The following NUAK1 variants were observed in gnomAD, a reference collection of about 807,000 sequenced individuals.
NUAK1 encodes NUAK family SNF1-like kinase 1.
In NUAK1, 26 loss-of-function variants were observed where a neutral mutation model predicts 56.9. That is an observed-to-expected ratio of 0.46 (90% CI 0.33 to 0.63). The LOEUF (loss-of-function observed/expected upper bound fraction) is 0.63, where lower values mean the gene tolerates loss of function less well. Among genes scored for constraint, NUAK1 ranks in the 30% least tolerant of loss-of-function variants. The pLI is 0.02. For missense variants in NUAK1, 727 were observed against 876.1 expected (o/e 0.83, Z 2.15); for synonymous variants, 337 against 336.0 (o/e 1.00, Z -0.03).
chr12:106,108,210 C>T (rs1331781442), intron 1 of NUAK1, among the ~76,000 whole-genome samples: 1 of 152,196 alleles, frequency 6.6e-6, no homozygotes, highest in Non-Finnish European at 1.5e-5. Flanking sequence ...TTAAATAATA[C>T]TGCCACGACA....
At chr12:106,068,198 G>A (rs899543163) in intron 6 of NUAK1, among the ~76,000 whole-genome samples, 6 of 152,212 alleles carry the variant, frequency 3.9e-5, no homozygotes, top group African/African-American at 1.2e-4. Context: ...TTCCCTGTAA[G>A]TGAGAAAATG....
chr12:106,090,804 A>G (rs2032627500), intron 2 of NUAK1, among the ~76,000 whole-genome samples: 2 of 152,194 alleles, frequency 1.3e-5, no homozygotes, highest in Admixed American at 1.3e-4. Context: ...GCTCTAGCAA[A>G]ACAAAACCCT....
At chr12:106,081,701 G>T (rs1398470280) in intron 4 of NUAK1, among the ~76,000 whole-genome samples, 1 of 152,184 alleles carries the variant, frequency 6.6e-6, no homozygotes, top group Non-Finnish European at 1.5e-5. Flanking sequence ...TCCTCCATTA[G>T]GGAATTACAT....
chr12:106,065,714 G>A lies in NUAK1; in HGVS notation c.*1088C>T, dbSNP rs937831042. On this transcript the variant is annotated 3_prime_UTR_variant, in exon 7 of 7. Transcript: ENST00000261402. ...TGGTTCAGCCAGGTAATCCTCTGGA[G>A]AATATGGACAGTATCACGTCCAACT... 2.6e-5 allele frequency: 4 copies of A among 152,642 alleles called. No homozygotes were observed. Among genetic ancestry groups the A allele is most frequent in the African/African-American group, 9.7e-5 (4 of 41,444 alleles). The allele number at this position is 152,642 out of a possible 1,614,324, so 9.5% of individuals were successfully genotyped here.
At chr12:106,078,786 C>T (rs938094528) in intron 4 of NUAK1, among the ~76,000 whole-genome samples, 3 of 152,302 alleles carry the variant, frequency 2.0e-5, no homozygotes, top group Middle Eastern at 3.4e-3. Flanking sequence ...CAGCAGCTCC[C>T]ATGGATGTTA....
At chr12:106,104,484 A>G (rs1225775290) in intron 2 of NUAK1, among the ~76,000 whole-genome samples, 1 of 152,194 alleles carries the variant, frequency 6.6e-6, no homozygotes, top group Non-Finnish European at 1.5e-5. Context: ...TAGACACTCC[A>G]CTCAGTAGAC....
At chr12:106,087,759 A>C (rs1565921280) in intron 2 of NUAK1, among the ~76,000 whole-genome samples, 1 of 152,272 alleles carries the variant, frequency 6.6e-6, no homozygotes, top group Non-Finnish European at 1.5e-5. Flanking sequence ...ACTGAGGCCT[A>C]GGGAGGTTAA....
At position 106,081,290 on chromosome 12, in the gene NUAK1, G is replaced by A. The variant is rs2032515628; in HGVS notation, c.579+2574C>T. On this transcript the variant is annotated intron_variant, in intron 4 of 6. Transcript: ENST00000261402. ...GGTCTAATCATTAAAACAAGGGGTT[G>A]GAAAAATGACTCCCAAAGTTCTTTA... is the stretch of plus-strand genomic sequence containing the variant. Among the ~76,000 whole-genome samples, 3 of 152,196 alleles carry A rather than the reference G, an allele frequency of 2.0e-5. No homozygotes were observed. In the South Asian group the frequency reaches 6.2e-4, roughly 32 times the overall value.
At chr12:106,092,670 C>A (rs754219222) in intron 2 of NUAK1, among the ~76,000 whole-genome samples, 1 of 152,148 alleles carries the variant, frequency 6.6e-6, no homozygotes, top group Non-Finnish European at 1.5e-5. Context: ...TGTTGATAGA[C>A]ATTTGGGCTG....
At chr12:106,127,928 A>T (rs2033039185) in intron 1 of NUAK1, among the ~76,000 whole-genome samples, 1 of 152,060 alleles carries the variant, frequency 6.6e-6, no homozygotes, top group Admixed American at 6.5e-5. Flanking sequence ...CTTTCCAAAG[A>T]GGCCTCCTTC....
intron 1 of NUAK1, among the ~76,000 whole-genome samples, chr12:106,129,998 G>A (rs971597693): frequency 7.3e-5 from 11 of 151,058 alleles, no homozygotes; most frequent in African/African-American, 2.7e-4. Flanking sequence ...CTCTCTCTCT[G>A]TGAGACGGAG....
At chr12:106,082,475 T>G (rs1441864417) in intron 4 of NUAK1, among the ~76,000 whole-genome samples, 1 of 152,176 alleles carries the variant, frequency 6.6e-6, no homozygotes, top group East Asian at 1.9e-4. Flanking sequence ...GGAAACAGGG[T>G]TAAGTGGTTT....
Position 106,138,713 on chromosome 12 carries a change from C to A in NUAK1, c.-60G>T. 7.0e-7 allele frequency: 1 copy of A among 1,437,764 alleles called. No homozygotes were observed. Among genetic ancestry groups the A allele is most frequent in the South Asian group, 1.5e-5 (1 of 67,586 alleles). 89.1% of individuals were successfully genotyped at this position (1,437,764 alleles called of 1,614,324 possible). A position where few individuals can be genotyped will look rare whatever the true frequency, so the allele number is the denominator to read the frequency against. ...AAGACCGGGCACAGCGCTGGGATGT[C>A]GGGGTCCCCACCGAGGGAAGCCGCT... On this transcript the variant is annotated 5_prime_UTR_variant, in exon 1 of 7. Transcript: ENST00000261402. The surrounding 1 kb of genome is among the most constrained non-coding windows in gnomAD (Gnocchi z 5.0).
intron 2 of NUAK1, among the ~76,000 whole-genome samples, chr12:106,098,399 T>C (rs754040466): frequency 3.3e-5 from 5 of 152,136 alleles, no homozygotes; most frequent in African/African-American, 9.7e-5. Flanking sequence ...TCAAAGGACG[T>C]GTTTGTCTAT....
intron 1 of NUAK1, among the ~76,000 whole-genome samples, chr12:106,124,878 T>G (rs1246508775): frequency 6.6e-6 from 1 of 151,882 alleles, no homozygotes; most frequent in Non-Finnish European, 1.5e-5. Flanking sequence ...ACACCTGTAG[T>G]CCCAGCTACT....
In NUAK1 at chr12:106,134,529, C is replaced by A. The variant is rs541911987; in HGVS notation, c.240+3885G>T. 4.4e-4 allele frequency among the ~76,000 whole-genome samples: 67 copies of A among 152,358 alleles called. No individual in the cohort carries two copies. In the East Asian group the frequency reaches 0.01, roughly 24 times the overall value. ...GCCACTCCCATCCCAGACTCCCCCC[C>A]AGGGACCCTGCCTCCAGCTCACACC... On this transcript the variant is annotated intron_variant, in intron 1 of 6. Transcript: ENST00000261402.
At position 106,138,647 on chromosome 12, in the gene NUAK1, C is replaced by G. The variant is rs56402800; in HGVS notation, c.7G>C (p.Gly3Arg). 20 of 1,535,486 alleles carry G rather than the reference C, an allele frequency of 1.3e-5. No individual in the cohort carries two copies. The highest frequency in any genetic ancestry group is 1.7e-5 in the Non-Finnish European group (20 of 1,150,624). The change falls in exon 1 of 7, where the codon GGG (glycine) becomes CGG (arginine). Residue 3 changes from glycine to arginine, a missense_variant. Physicochemically the swap from Gly to Arg is moderately radical, Grantham distance 125 (BLOSUM62 -2). Transcript: ENST00000261402. This position sits in a 1 kb window ranked among gnomAD's most constrained non-coding sequence, Gnocchi z 5.0. ME[G>R]AAAPVAGDRP... ...TCCCCCGCCACAGGCGCGGCGGCCC[C>G]TTCCATGTCCAAGCGCGGGGCGAGC...
intron 1 of NUAK1, among the ~76,000 whole-genome samples, chr12:106,121,265 G>A (rs908985271): frequency 2.6e-5 from 4 of 152,210 alleles, no homozygotes; most frequent in African/African-American, 9.6e-5. Flanking sequence ...CAGAGTTGCT[G>A]TGAAGACGGT....
In NUAK1 at chr12:106,065,313, T is replaced by C. The variant is rs1405602449; in HGVS notation, c.*1489A>G. 2.6e-5 allele frequency: 4 copies of C among 152,136 alleles called. No individual in the cohort carries two copies. The highest frequency in any genetic ancestry group is 4.8e-5 in the African/African-American group (2 of 41,418). 9.4% of individuals were successfully genotyped at this position (152,136 alleles called of 1,614,324 possible). A position where few individuals can be genotyped will look rare whatever the true frequency, so the allele number is the denominator to read the frequency against. On this transcript the variant is annotated 3_prime_UTR_variant, in exon 7 of 7. Coordinates refer to ENST00000261402, the MANE Select transcript of NUAK1 (RefSeq NM_014840.3). Reference sequence around the variant, plus strand: ...TCTAGTTTTTTGTTTTGTTTTGTTTTGTTTTGTTTACTTTTTAAGATAAGA... The same window carrying C: ...TCTAGTTTTTTGTTTTGTTTTGTTTCGTTTTGTTTACTTTTTAAGATAAGA...
Sources: allele counts gnomAD v4.1 joint callset (sites outside exome capture counted in the v4.1 genomes callset), GRCh38; gene constraint gnomAD v4.1.1; non-coding constraint Gnocchi (gnomAD v3.1); transcripts MANE v1.5; gene names NCBI Gene and HGNC (gene_info 2026-07-23, HGNC 2026-07-21).